The following KLRD1 variants were observed in gnomAD, a reference collection of about 807,000 sequenced individuals.
The protein encoded by KLRD1 is killer cell lectin like receptor D1, also known as natural killer cells antigen CD94.
A neutral mutation model predicts 22.6 loss-of-function variants in KLRD1; 21 were observed. The observed-to-expected ratio is 0.93, with a 90% CI of 0.66 to 1.34. The LOEUF is 1.34. KLRD1 is among the 40% of genes most tolerant of loss of function. KLRD1 has a pLI of 0.00. For missense variants in KLRD1, 183 were observed against 208.6 expected, an observed-to-expected ratio of 0.88 and a Z score of 0.76; for synonymous variants, 59 against 71.1, an observed-to-expected ratio of 0.83 and a Z score of 0.85.
At chr12:10,257,963 C>G (rs936071688) in intron 1 of KLRD1, among the ~76,000 whole-genome samples, 4 of 152,056 alleles carry the variant, frequency 2.6e-5, no homozygotes, top group African/African-American at 9.7e-5. Flanking sequence ...ATGAATTTTC[C>G]TGGGTCTTTG....
intron 1 of KLRD1, among the ~76,000 whole-genome samples, chr12:10,297,849 G>C (rs1485446891): frequency 6.6e-6 from 1 of 152,146 alleles, no homozygotes; most frequent in East Asian, 1.9e-4. Flanking sequence ...ATTGCTTCTA[G>C]ACTTTCCCAG....
chr12:10,275,776 A>T (rs1490145507), intron 1 of KLRD1, among the ~76,000 whole-genome samples: 1 of 152,242 alleles, frequency 6.6e-6, no homozygotes, highest in African/African-American at 2.4e-5. Context: ...TACCAATTAG[A>T]TAAATCAATT....
intron 1 of KLRD1, among the ~76,000 whole-genome samples, chr12:10,257,972 T>C (rs1197157755): frequency 6.6e-6 from 1 of 152,096 alleles, no homozygotes; most frequent in South Asian, 2.1e-4. Flanking sequence ...CCTGGGTCTT[T>C]GTGTGGCTTT....
At chr12:10,293,675 A>G (rs1182147398) in intron 1 of KLRD1, among the ~76,000 whole-genome samples, 1 of 152,224 alleles carries the variant, frequency 6.6e-6, no homozygotes, top group Non-Finnish European at 1.5e-5. Flanking sequence ...AGGCAGAGAC[A>G]GGAAGTGAGC....
At chr12:10,270,686 T>G (rs1949541138) in intron 1 of KLRD1, among the ~76,000 whole-genome samples, 1 of 152,184 alleles carries the variant, frequency 6.6e-6, no homozygotes, top group South Asian at 2.1e-4. Flanking sequence ...TATGCGCTGT[T>G]TATGAACTAA....
chr12:10,276,563 T>C (rs1949593775), intron 1 of KLRD1, among the ~76,000 whole-genome samples: 1 of 152,104 alleles, frequency 6.6e-6, no homozygotes, highest in Admixed American at 6.6e-5. Context: ...AGTTTCGCTC[T>C]TGTTGCCCAG....
At chr12:10,301,942 G>C (rs1354272430), upstream of KLRD1, among the ~76,000 whole-genome samples, 1 of 152,084 alleles carries the variant, frequency 6.6e-6, no homozygotes, top group Non-Finnish European at 1.5e-5. Flanking sequence ...CTTGAGAAGA[G>C]GGAGAACGAG....
intron 4 of KLRD1, 86 bp downstream of exon 4, chr12:10,311,701 T>C (rs1950075908): frequency 8.0e-6 from 10 of 1,251,394 alleles, no homozygotes; most frequent in African/African-American, 3.0e-5. Flanking sequence ...GTTTAAGTCA[T>C]TAATCACATA....
At chr12:10,259,525 C>G (rs1273130072) in intron 1 of KLRD1, among the ~76,000 whole-genome samples, 2 of 152,002 alleles carry the variant, frequency 1.3e-5, no homozygotes, top group East Asian at 1.9e-4. Flanking sequence ...CTGTAGTAAA[C>G]TTTAGTTTTA....
chr12:10,277,445 TG>T (rs1025710620), intron 1 of KLRD1, among the ~76,000 whole-genome samples: 1 of 152,162 alleles, frequency 6.6e-6, no homozygotes, highest in African/African-American at 2.4e-5. Context: ...TAGGTGGTGG[TG>T]TTTTTTTACT....
chr12:10,247,358 A>G (rs959788709), intron 1 of KLRD1, among the ~76,000 whole-genome samples: 17 of 152,152 alleles, frequency 1.1e-4, no homozygotes, highest in Admixed American at 1.0e-3. Context: ...GTTGGTTAAC[A>G]TTTATAATTT....
chr12:10,285,517 A>C (rs1949692897), intron 1 of KLRD1, among the ~76,000 whole-genome samples: 1 of 152,220 alleles, frequency 6.6e-6, no homozygotes, highest in Non-Finnish European at 1.5e-5. Flanking sequence ...CCAATATGAA[A>C]TAAGTCCTTT....
At chr12:10,252,007 C>T (rs1382713622) in intron 1 of KLRD1, among the ~76,000 whole-genome samples, 1 of 152,168 alleles carries the variant, frequency 6.6e-6, no homozygotes, top group African/African-American at 2.4e-5. Flanking sequence ...TGGTCAATTA[C>T]ACATTTCTCC....
chr12:10,260,679 G>A (rs1157270888), intron 1 of KLRD1, among the ~76,000 whole-genome samples: 1 of 151,958 alleles, frequency 6.6e-6, no homozygotes, highest in African/African-American at 2.4e-5. Flanking sequence ...GGTGGCTCAC[G>A]CCTGTAATCC....
chr12:10,268,026 A>G (rs968497831), intron 1 of KLRD1, among the ~76,000 whole-genome samples: 2 of 152,224 alleles, frequency 1.3e-5, no homozygotes, highest in Non-Finnish European at 2.9e-5. Context: ...CCACAGTGTT[A>G]AGAAACTAAT....
chr12:10,258,693 G>A (rs1029772235), intron 1 of KLRD1, among the ~76,000 whole-genome samples: 3 of 152,118 alleles, frequency 2.0e-5, no homozygotes, highest in African/African-American at 7.2e-5. Flanking sequence ...TGTCTCAGGG[G>A]GAGGAAATAG....
rs1384688060 is a variant in KLRD1, at chr12:10,320,426, A to C, written c.*5633A>C. On this transcript the variant is annotated 3_prime_UTR_variant, in exon 6 of 6. Coordinates refer to ENST00000336164, the MANE Select transcript of KLRD1 (RefSeq NM_002262.5). ...AAAATCTTTCTATTTAGTACCAGAA[A>C]GTTTAGCAACACTTTTGTCTGTAGC... is the stretch of plus-strand genomic sequence containing the variant. 2 of 152,198 alleles carry C rather than the reference A, an allele frequency of 1.3e-5. No individual in the cohort carries two copies. Among genetic ancestry groups the C allele is most frequent in the Admixed American group, 6.5e-5 (1 of 15,276 alleles). The allele number at this position is 152,198 out of a possible 1,614,324, so 9.4% of individuals were successfully genotyped here.
At chr12:10,259,872 A>T (rs10845094) in intron 1 of KLRD1, among the ~76,000 whole-genome samples, 121,953 of 152,170 alleles carry the variant, frequency 0.8, 53,455 homozygotes, top group Non-Finnish European at 0.98. Context: ...AGGCTGAGGC[A>T]GGAGACTTGC....
intron 1 of KLRD1, among the ~76,000 whole-genome samples, chr12:10,277,789 T>C (rs996136346): frequency 6.6e-6 from 1 of 152,244 alleles, no homozygotes; most frequent in Non-Finnish European, 1.5e-5. Flanking sequence ...AGACTTTATG[T>C]TTTAGAAAAG....
Sources: allele counts gnomAD v4.1 joint callset (sites outside exome capture counted in the v4.1 genomes callset), GRCh38; gene constraint gnomAD v4.1.1; transcripts MANE v1.5; gene names NCBI Gene and HGNC (gene_info 2026-07-23, HGNC 2026-07-21).